PASD1: variants seen among roughly 807,000 people sequenced by gnomAD.
PASD1 encodes the protein PAS domain containing repressor 1.
PASD1 carries 13 observed loss-of-function variants against 58.8 expected under a neutral mutation model. The ratio of observed to expected loss-of-function variants is 0.22; its 90% CI spans 0.14 to 0.35. PASD1 has a LOEUF of 0.35. Ranked by LOEUF, PASD1 falls within the 10% of genes least tolerant of loss-of-function variation. The pLI, the probability that PASD1 is intolerant of heterozygous loss-of-function variation, is 1.00. For synonymous variants in PASD1, 236 were observed against 216.7 expected (o/e 1.09, Z -0.78); for missense variants, 734 against 568.3 (o/e 1.29, Z -2.96).
At chrX:151,651,221 G>A (rs2014125086) in intron 9 of PASD1, among the ~76,000 whole-genome samples, 1 of 111,753 alleles carries the variant, frequency 8.9e-6, no homozygotes, top group Non-Finnish European at 1.9e-5. Flanking sequence ...ATATGGTTTG[G>A]ATCTCCTTTT....
intron 6 of PASD1, among the ~76,000 whole-genome samples, chrX:151,622,230 T>C (rs1404099419): frequency 3.6e-5 from 4 of 111,052 alleles, no homozygotes; most frequent in Non-Finnish European, 7.5e-5. Context: ...AACTGCAAGC[T>C]GAGAAATTAA....
intron 13 of PASD1, 49 bp downstream of exon 13, chrX:151,671,828 C>A: frequency 1.8e-6 from 2 of 1,129,749 alleles, no homozygotes; most frequent in Non-Finnish European, 2.4e-6. Context: ...ATTTTGTTTT[C>A]TTGAGGACTT....
rs754203824 is a variant in PASD1, at chrX:151,671,213, G to A, written c.1230+17G>A. On this transcript the variant is annotated intron_variant, in intron 12 of 15. Transcript: ENST00000370357. ...CACCTTCAGGTCAGTCAGGATGCTA[G>A]GTTTCAGGTCAGAGACCAGTTCTAT... 11 of 1,206,554 alleles carry A rather than the reference G, an allele frequency of 9.1e-6. No homozygotes were observed. Among genetic ancestry groups the A allele is most frequent in the South Asian group, 7.2e-5 (4 of 55,906 alleles).
chrX:151,571,473 T>C (rs1171237843), intron 1 of PASD1, among the ~76,000 whole-genome samples: 1 of 111,377 alleles, frequency 9.0e-6, no homozygotes, highest in Non-Finnish European at 1.9e-5. Flanking sequence ...CAAGGTCTTA[T>C]CTTCTTTTCC....
chrX:151,572,739 T>G (rs950394864), intron 1 of PASD1, among the ~76,000 whole-genome samples: 2 of 109,913 alleles, frequency 1.8e-5, no homozygotes, highest in Non-Finnish European at 3.8e-5. Context: ...TTCATGAAGA[T>G]GTCTTTTAAA....
At chrX:151,660,946 G>T (rs1210465255) in intron 10 of PASD1, among the ~76,000 whole-genome samples, 1 of 111,948 alleles carries the variant, frequency 8.9e-6, no homozygotes, top group Non-Finnish European at 1.9e-5. Context: ...GAGGTCAGGA[G>T]ATCGAGACCA....
intron 3 of PASD1, among the ~76,000 whole-genome samples, chrX:151,605,104 T>C (rs2013471297): frequency 9.0e-6 from 1 of 111,656 alleles, no homozygotes; most frequent in Non-Finnish European, 1.9e-5. Context: ...CCCTCAAGAA[T>C]GTAAGGTGTT....
intron 8 of PASD1, among the ~76,000 whole-genome samples, chrX:151,626,007 T>C (rs373025577): frequency 1.8e-5 from 2 of 111,809 alleles, no homozygotes; most frequent in East Asian, 2.8e-4. Context: ...TCCCAGCTCA[T>C]ATAATTCACA....
intron 1 of PASD1, among the ~76,000 whole-genome samples, chrX:151,573,816 G>A (rs2012961567): frequency 8.9e-6 from 1 of 111,825 alleles, no homozygotes; most frequent in African/African-American, 3.3e-5. Flanking sequence ...GGTGAATTGG[G>A]TTGTATTGTA....
chrX:151,566,937 C>T (rs751079895), intron 1 of PASD1, among the ~76,000 whole-genome samples: 2 of 108,849 alleles, frequency 1.8e-5, no homozygotes, highest in Non-Finnish European at 3.8e-5. Context: ...CCCAGCTACT[C>T]GGGATGCTGA....
chrX:151,602,567 G>A (rs1308621534), intron 2 of PASD1, among the ~76,000 whole-genome samples: 2 of 110,242 alleles, frequency 1.8e-5, no homozygotes, highest in Non-Finnish European at 3.8e-5. Context: ...GTGATGGCAG[G>A]TACCTGTAGT....
At chrX:151,592,711 A>G (rs2013266755) in intron 1 of PASD1, among the ~76,000 whole-genome samples, 1 of 111,645 alleles carries the variant, frequency 9.0e-6, no homozygotes, top group South Asian at 3.8e-4. Flanking sequence ...TAGTATTACT[A>G]ATTTAATCCT....
chrX:151,660,929 G>A (rs1404751263), intron 10 of PASD1, among the ~76,000 whole-genome samples: 4 of 111,859 alleles, frequency 3.6e-5, no homozygotes, highest in African/African-American at 1.3e-4. Context: ...CGAGGTGGGC[G>A]GATCATGAGG....
intron 11 of PASD1, among the ~76,000 whole-genome samples, chrX:151,668,843 A>T (rs4494031): frequency 9.6e-6 from 1 of 104,629 alleles, no homozygotes; most frequent in Non-Finnish European, 1.9e-5. Context: ...AGGGAATCCT[A>T]CCTAACTCGT....
intron 11 of PASD1, among the ~76,000 whole-genome samples, chrX:151,664,729 C>T (rs1479650879): frequency 8.9e-6 from 1 of 111,973 alleles, no homozygotes; most frequent in Non-Finnish European, 1.9e-5. Flanking sequence ...AGAGGGAAGA[C>T]AACTTTCTGG....
In PASD1 at chrX:151,591,932, C is replaced by T. The variant is rs761504218; in HGVS notation, c.-27-9595C>T. 2.7e-5 allele frequency among the ~76,000 whole-genome samples: 3 copies of T among 111,911 alleles called. No homozygotes were observed. In the East Asian group the frequency reaches 8.4e-4, roughly 31 times the overall value. ...CTCTCTCTCTTTTTTTGTCTCTCTC[C>T]ATGGTAAAACTTCAAAATTTTAATG... On this transcript the variant is annotated intron_variant, in intron 1 of 15. Transcript: ENST00000370357.
Position 151,606,294 on chromosome X carries a change from A to G in PASD1, c.117+1560A>G, listed in dbSNP as rs1411290835. Among the ~76,000 whole-genome samples, 4 of 112,365 alleles carry G rather than the reference A, an allele frequency of 3.6e-5. No homozygotes were observed. In the South Asian group the frequency reaches 1.1e-3, roughly 32 times the overall value. ...CATCAGGGAATCTGAGAAGAGGGAC[A>G]GTAGAGGGCTCTTTCTCTTCACTTT... On this transcript the variant is annotated intron_variant, in intron 3 of 15. Coordinates refer to ENST00000370357, the MANE Select transcript of PASD1 (RefSeq NM_173493.3).
chrX:151,643,650 A>C (rs1200195856), intron 8 of PASD1, among the ~76,000 whole-genome samples: 1 of 111,958 alleles, frequency 8.9e-6, no homozygotes, highest in Non-Finnish European at 1.9e-5. Context: ...GACAAAATCA[A>C]GGCATTTCTG....
chrX:151,654,702 T>G (rs2014213850), intron 9 of PASD1, among the ~76,000 whole-genome samples: 1 of 111,384 alleles, frequency 9.0e-6, no homozygotes, highest in African/African-American at 3.3e-5. Context: ...TTGACAAAAG[T>G]TTTGGTGGAG....
Sources: allele counts gnomAD v4.1 joint callset (sites outside exome capture counted in the v4.1 genomes callset), GRCh38; gene constraint gnomAD v4.1.1; transcripts MANE v1.5; gene names NCBI Gene and HGNC (gene_info 2026-07-23, HGNC 2026-07-21).